The following GOLGA8F variants were observed in gnomAD, a reference collection of about 807,000 sequenced individuals.
GOLGA8F encodes the protein golgin subfamily A member 8F.
For synonymous variants in GOLGA8F, 1 was observed against 35.4 expected (o/e 0.03, Z 3.45); for missense variants, 2 against 93.4 (o/e 0.02, Z 4.03).
rs2077644050 is a variant in GOLGA8F, at chr15:28,390,021, C to CA, written c.*962dup. The CA allele has an allele frequency of 8.0e-6, 1 of 125,158 alleles. No homozygotes were observed. Among genetic ancestry groups the CA allele is most frequent in the Non-Finnish European group, 1.7e-5 (1 of 58,166 alleles). The allele number at this position is 125,158 out of a possible 1,614,324, so 7.8% of individuals were successfully genotyped here. On this transcript the variant is annotated 3_prime_UTR_variant, in exon 19 of 19. Coordinates refer to ENST00000526619, the MANE Select transcript of GOLGA8F (RefSeq NM_001350920.2). ...TCACATGACTGCATGTCCCAGTACA[C>CA]AAAAGGGCACTGGTTGGCATTCTTC...
At chr15:28,385,089 A>AAAC in intron 11 of GOLGA8F, 36 bp from the exon 12 acceptor site, 1 of 645,708 alleles carries the variant, frequency 1.5e-6, no homozygotes, top group Non-Finnish European at 2.3e-6. Flanking sequence ...TTTTTTTTGG[A>AAAC]ATCCAGAGGC....
intron 11 of GOLGA8F, 50 bp from the exon 12 acceptor site, chr15:28,385,075 T>C (rs2077585098): frequency 9.1e-7 from 1 of 1,098,974 alleles, no homozygotes; most frequent in Non-Finnish European, 1.2e-6. Context: ...TTCTTTTTTT[T>C]TTTTTTTTTT....
At position 28,384,423 on chromosome 15, in the gene GOLGA8F, G is replaced by T. The variant is rs2077575312; in HGVS notation, c.762G>T (p.Gln254His). 4.5e-5 allele frequency: 8 copies of T among 178,158 alleles called. 2 individuals carry two copies. Among genetic ancestry groups the T allele is most frequent in the East Asian group, 2.5e-4 (8 of 32,640 alleles). 11.0% of individuals were successfully genotyped at this position (178,158 alleles called of 1,614,324 possible). Reference protein sequence around the residue: ...EHLKGERARWQQRMRKMSQEV... With the variant: ...EHLKGERARWHQRMRKMSQEV... ...TAAAAGGAGAGAGGGCCCGGTGGCA[G>T]CAGAGGATGAGAAAAATGTCGCAGG... is the stretch of plus-strand genomic sequence containing the variant. The change falls in exon 10 of 19, where the codon CAG (glutamine) becomes CAT (histidine). Residue 254 changes from glutamine to histidine, a missense_variant. Physicochemically the swap from Gln to His is conservative, Grantham distance 24. Transcript: ENST00000526619.
intron 12 of GOLGA8F, 119 bp downstream of exon 12, chr15:28,385,500 T>TG (rs2077598191): frequency 1.7e-6 from 1 of 573,216 alleles, no homozygotes; most frequent in African/African-American, 2.2e-5. Flanking sequence ...AAGGCACCTG[T>TG]GAGCCAGAGC....
chr15:28,384,125 A>C (rs1455217355), intron 8 of GOLGA8F, 22 bp from the exon 9 acceptor site: 1 of 206,636 alleles, frequency 4.8e-6, no homozygotes, highest in African/African-American at 3.1e-5. Context: ...GCCTCACCAG[A>C]TTGAAACTTC....
chr15:28,384,356 T>C lies in GOLGA8F; in HGVS notation c.695T>C (p.Leu232Pro). Residue 232 changes from leucine (L) to proline (P), a missense_variant, in exon 10 of 19, where the codon CTT becomes CCT. Leu to Pro is a moderately conservative substitution (Grantham distance 98). Coordinates refer to ENST00000526619, the MANE Select transcript of GOLGA8F (RefSeq NM_001350920.2). ...KAQLTQLKESLKEVQLERDEY... is the reference protein window; with the variant it reads ...KAQLTQLKESPKEVQLERDEY... The stretch of plus-strand genomic sequence containing the variant: ...CCATTCTTGCAGTTGAAGGAGTCAC[T>C]TAAAGAAGTCCAGCTAGAGAGGGAT... 4.7e-6 allele frequency: 1 copy of C among 213,012 alleles called. No individual in the cohort carries two copies. Among genetic ancestry groups the C allele is most frequent in the South Asian group, 2.7e-5 (1 of 36,764 alleles). The allele number at this position is 213,012 out of a possible 1,614,324, so 13.2% of individuals were successfully genotyped here. A position where few individuals can be genotyped will look rare whatever the true frequency, so the allele number is the denominator to read the frequency against.
rs1182434681 is a variant in GOLGA8F, at chr15:28,389,687, T to A, written c.*624T>A. On this transcript the variant is annotated 3_prime_UTR_variant, in exon 19 of 19. Transcript: ENST00000526619. ...GTAATAACATTTTGGGGGAGCTTTT[T>A]AAATTTCACAGAAGAGGAAAGTTGC... 1 of 150,924 alleles carries A rather than the reference T, an allele frequency of 6.6e-6. No homozygotes were observed. Among genetic ancestry groups the A allele is most frequent in the South Asian group, 2.2e-4 (1 of 4,536 alleles). The allele number at this position is 150,924 out of a possible 1,614,324, so 9.3% of individuals were successfully genotyped here.
rs1352024243 is a variant in GOLGA8F, at chr15:28,389,724, G to T, written c.*661G>T. The stretch of plus-strand genomic sequence containing the variant: ...AAGAGGAAAGTTGCCTGCTCTGGCA[G>T]GTATGTGCAAGATAGAGTGTGTTTC... On this transcript the variant is annotated 3_prime_UTR_variant, in exon 19 of 19. Coordinates refer to ENST00000526619, the MANE Select transcript of GOLGA8F (RefSeq NM_001350920.2). 1.4e-5 allele frequency: 2 copies of T among 146,298 alleles called. No individual in the cohort carries two copies. Among genetic ancestry groups the T allele is most frequent in the African/African-American group, 5.1e-5 (2 of 39,006 alleles). The allele number at this position is 146,298 out of a possible 1,614,324, so 9.1% of individuals were successfully genotyped here.
chr15:28,384,120 A>G (rs616319), intron 8 of GOLGA8F, 27 bp from the exon 9 acceptor site: 1 of 202,048 alleles, frequency 4.9e-6, no homozygotes, highest in Admixed American at 3.2e-5. Context: ...GCCCGGCCTC[A>G]CCAGATTGAA....
intron 13 of GOLGA8F, 61 bp from the exon 14 acceptor site, chr15:28,387,028 G>GTT: frequency 2.5e-5 from 1 of 39,656 alleles, no homozygotes; most frequent in Admixed American, 2.9e-4. Flanking sequence ...GCCGAGGATG[G>GTT]GGCTGTGAGG....
chr15:28,389,784 T>TTGTA lies in GOLGA8F; in HGVS notation c.*722_*725dup, dbSNP rs200573437. The TTGTA allele has an allele frequency of 0.056, 7,436 of 133,724 alleles. 143 individuals carry two copies. Among genetic ancestry groups the TTGTA allele is most frequent in the East Asian group, 0.46 (1,832 of 3,958 alleles). 8.3% of individuals were successfully genotyped at this position (133,724 alleles called of 1,614,324 possible). ...GTTGCCAAGAATTAGTGCTGTACTATTGTAGTTCCTTTAGGATTTGTATGT... is the reference window on the plus strand; with the variant it reads ...GTTGCCAAGAATTAGTGCTGTACTATTGTATGTAGTTCCTTTAGGATTTGTATGT... On this transcript the variant is annotated 3_prime_UTR_variant, in exon 19 of 19. Coordinates refer to ENST00000526619, the MANE Select transcript of GOLGA8F (RefSeq NM_001350920.2).
Position 28,384,062 on chromosome 15 carries a change from G to T in GOLGA8F, c.592-85G>T. On this transcript the variant is annotated intron_variant, in intron 8 of 18. Transcript: ENST00000526619. ...TGCCTTGATCTTTACTGACCGAGTTGTATATTGGGCCTAGCCCTGGCCCTT... is the reference window on the plus strand; with the variant it reads ...TGCCTTGATCTTTACTGACCGAGTTTTATATTGGGCCTAGCCCTGGCCCTT... The T allele has an allele frequency of 1.9e-5, 3 of 155,216 alleles. 1 individual carries two copies. The highest frequency in any genetic ancestry group is 9.7e-5 in the East Asian group (3 of 30,784). 9.6% of individuals were successfully genotyped at this position (155,216 alleles called of 1,614,324 possible).
intron 1 of GOLGA8F, among the ~76,000 whole-genome samples, chr15:28,380,168 A>G (rs1297136859): frequency 3.6e-4 from 52 of 146,212 alleles, no homozygotes; most frequent in African/African-American, 1.2e-3. Flanking sequence ...GTATGACTAA[A>G]CCACATGGCA....
chr15:28,384,106 A>G, intron 8 of GOLGA8F, 41 bp from the exon 9 acceptor site: 1 of 187,752 alleles, frequency 5.3e-6, no homozygotes, highest in East Asian at 3.0e-5. Flanking sequence ...CACTGTGTGG[A>G]ATGGCCCGGC....
At chr15:28,381,368 GT>G (rs2077561948) in intron 3 of GOLGA8F, 86 bp from the exon 4 acceptor site, 68 of 804 alleles carry the variant, frequency 0.085, no homozygotes, top group Admixed American at 0.12. Flanking sequence ...AGCTGAGACA[GT>G]CCACACACAC....
In GOLGA8F at chr15:28,384,240, A is replaced by T. The variant is rs2077571581; in HGVS notation, c.681+4A>T. 1.7e-5 allele frequency: 4 copies of T among 235,446 alleles called. 1 individual carries two copies. Among genetic ancestry groups the T allele is most frequent in the East Asian group, 1.1e-4 (4 of 37,218 alleles). 14.6% of individuals were successfully genotyped at this position (235,446 alleles called of 1,614,324 possible). A position where few individuals can be genotyped will look rare whatever the true frequency, so the allele number is the denominator to read the frequency against. Reference sequence around the variant, plus strand: ...GCTGAAAGCGCAGCTGACACAGGTGAGGTGTTCAGAAGGAGGGATGTGGAA... The same window carrying T: ...GCTGAAAGCGCAGCTGACACAGGTGTGGTGTTCAGAAGGAGGGATGTGGAA... On this transcript the variant is annotated splice_donor_region_variant and intron_variant, in intron 9 of 18. Transcript: ENST00000526619.
intron 10 of GOLGA8F, 89 bp downstream of exon 10, chr15:28,384,539 T>C (rs1333047370): frequency 7.4e-6 from 1 of 135,660 alleles, no homozygotes; most frequent in East Asian, 3.6e-5. Context: ...GAGCCAGAGG[T>C]GGTCCTGGGA....
chr15:28,384,584 T>G lies in GOLGA8F; in HGVS notation c.790-62T>G, dbSNP rs1380404211. On this transcript the variant is annotated intron_variant, in intron 10 of 18. Transcript: ENST00000526619. Reference sequence around the variant, plus strand: ...GTGGAGGTGGGGGCAGAGAGGGAGATGGTAGCATGTCCAGCCTCCAGCCCC... The same window carrying G: ...GTGGAGGTGGGGGCAGAGAGGGAGAGGGTAGCATGTCCAGCCTCCAGCCCC... The G allele has an allele frequency of 1.2e-4, 16 of 135,566 alleles. 1 individual carries two copies. Among genetic ancestry groups the G allele is most frequent in the South Asian group, 2.3e-4 (6 of 25,750 alleles). 8.4% of individuals were successfully genotyped at this position (135,566 alleles called of 1,614,324 possible).
In GOLGA8F at chr15:28,389,931, AC is replaced by A. The variant is rs1396990044; in HGVS notation, c.*870del. ...CCATCATTGACTACGGATGTGGAAA[AC>A]CTTTCCTAGCTTAGAGCATTTGTAT... On this transcript the variant is annotated 3_prime_UTR_variant, in exon 19 of 19. Transcript: ENST00000526619. 1 of 150,744 alleles carries A rather than the reference AC, an allele frequency of 6.6e-6. No homozygotes were observed. The highest frequency in any genetic ancestry group is 1.9e-4 in the East Asian group (1 of 5,208). 9.3% of individuals were successfully genotyped at this position (150,744 alleles called of 1,614,324 possible).
Sources: gnomAD v4.1 joint callset for allele counts (sites outside exome capture counted in the v4.1 genomes callset) on GRCh38, gnomAD v4.1.1 for gene constraint, MANE v1.5 for transcripts, NCBI Gene and HGNC (gene_info 2026-07-23, HGNC 2026-07-21) for gene names.